The following TMEM131L variants were observed in gnomAD, a reference collection of about 807,000 sequenced individuals.
TMEM131L encodes transmembrane 131 like, also known as transmembrane protein 131-like.
TMEM131L carries 54 observed loss-of-function variants against 192.2 expected under a neutral mutation model. The observed-to-expected ratio is 0.28, with a 90% CI of 0.23 to 0.35. The LOEUF is 0.35. Among genes scored for constraint, TMEM131L ranks in the 10% least tolerant of loss-of-function variants. TMEM131L has a pLI of 1.00. For synonymous variants in TMEM131L, 701 were observed against 704.9 expected (o/e 0.99, Z 0.09); for missense variants, 1,888 against 1,972.9 (o/e 0.96, Z 0.82).
chr4:153,566,237 G>A lies in TMEM131L; in HGVS notation c.660+7869G>A, dbSNP rs191675718. On this transcript the variant is annotated intron_variant, in intron 7 of 34. Coordinates refer to ENST00000409959, the MANE Select transcript of TMEM131L (RefSeq NM_001131007.2). ...TGCAAGCTCCGCCTCCCAGGTTCACGCCATTCTCCTGCCTCAGCCTCCCGA... is the reference window on the plus strand; with the variant it reads ...TGCAAGCTCCGCCTCCCAGGTTCACACCATTCTCCTGCCTCAGCCTCCCGA... 2.7e-3 allele frequency among the ~76,000 whole-genome samples: 408 copies of A among 151,808 alleles called. 1 individual carries two copies. Among genetic ancestry groups the A allele is most frequent in the African/African-American group, 9.2e-3 (379 of 41,382 alleles).
At chr4:153,487,523 G>A (rs1732423471) in intron 3 of TMEM131L, among the ~76,000 whole-genome samples, 2 of 152,168 alleles carry the variant, frequency 1.3e-5, no homozygotes, top group Non-Finnish European at 2.9e-5. Flanking sequence ...GAGGACTGAG[G>A]AACCTTCTGA....
chr4:153,515,075 G>T (rs1734640384), intron 3 of TMEM131L, among the ~76,000 whole-genome samples: 1 of 152,236 alleles, frequency 6.6e-6, no homozygotes, highest in Non-Finnish European at 1.5e-5. Context: ...GCCTCCCGAA[G>T]TGCTGGGATT....
intron 3 of TMEM131L, among the ~76,000 whole-genome samples, chr4:153,495,053 C>T (rs1329569892): frequency 6.6e-6 from 1 of 152,138 alleles, no homozygotes; most frequent in Non-Finnish European, 1.5e-5. Context: ...TGGTGGCTCA[C>T]GCCTGTAATC....
rs770649886 is a variant in TMEM131L at position 153,626,131 on chromosome 4, GTTTCT to G, written c.4046-12_4046-8del. ...TACTTTTTGAAACTTGTGATAATGT[GTTTCT>G]TTTAATGCAGGAGACAGTGTTTCAC... is the stretch of plus-strand genomic sequence containing the variant. On this transcript the variant is annotated splice_polypyrimidine_tract_variant and intron_variant, in intron 29 of 34. Transcript: ENST00000409959. The G allele has an allele frequency of 6.4e-7, 1 of 1,568,888 alleles. No homozygotes were observed. The highest frequency in any genetic ancestry group is 8.8e-7 in the Non-Finnish European group (1 of 1,140,724).
chr4:153,508,890 C>T (rs34250475), intron 3 of TMEM131L, among the ~76,000 whole-genome samples: 49,892 of 151,630 alleles, frequency 0.33, 10,078 homozygotes, highest in Non-Finnish European at 0.43. Context: ...GTGATCTTCC[C>T]GCCTTGGCCT....
At chr4:153,574,207 A>C (rs1353989422) in intron 7 of TMEM131L, among the ~76,000 whole-genome samples, 2 of 152,236 alleles carry the variant, frequency 1.3e-5, no homozygotes, top group Non-Finnish European at 2.9e-5. Flanking sequence ...TCCTCAAAGC[A>C]AACTAATTTC....
rs371707607 is a variant in TMEM131L, at chr4:153,603,913, G to A, written c.2901G>A (p.Arg967=). The change falls in exon 25 of 35, where the codon AGG becomes AGA. Residue 967 remains arginine, a synonymous_variant. Coordinates refer to ENST00000409959, the MANE Select transcript of TMEM131L (RefSeq NM_001131007.2). ...PQSRIQNAAK[R]SPATYGHSQK... ...GCAGGATCCAGAATGCTGCAAAGAG[G>A]AGCCCAGCCACCTATGGTCATTCTC... 27 of 1,613,966 alleles carry A rather than the reference G, an allele frequency of 1.7e-5. No homozygotes were observed. In the South Asian group the frequency reaches 2.2e-4, roughly 13 times the overall value.
intron 3 of TMEM131L, among the ~76,000 whole-genome samples, chr4:153,533,687 G>A (rs546580961): frequency 2.0e-4 from 30 of 152,302 alleles, no homozygotes; most frequent in Non-Finnish European, 3.8e-4. Flanking sequence ...GTTTGAGCAT[G>A]ATCCACCTGA....
In TMEM131L at chr4:153,466,442, C is replaced by G. The variant is rs1316744425; in HGVS notation, c.45C>G (p.Thr15=). Residue 15 remains threonine, a synonymous_variant, in exon 1 of 35, where the codon ACC becomes ACG. Coordinates refer to ENST00000409959, the MANE Select transcript of TMEM131L (RefSeq NM_001131007.2). Reference sequence around the variant, plus strand: ...CGCAGCCCGGCTGCTACTGCCGCACCGCGGCGGCCGTGAACCTCCTGCTGG... The same window carrying G: ...CGCAGCCCGGCTGCTACTGCCGCACGGCGGCGGCCGTGAACCTCCTGCTGG... ...RRPQPGCYCR[T]AAAVNLLLGV... is the part of the protein sequence containing the mutation. 7.1e-7 allele frequency: 1 copy of G among 1,413,324 alleles called. No individual in the cohort carries two copies. The highest frequency in any genetic ancestry group is 9.3e-7 in the Non-Finnish European group (1 of 1,076,626). 87.5% of individuals were successfully genotyped at this position (1,413,324 alleles called of 1,614,324 possible).
At chr4:153,524,445 A>G (rs1055846075) in intron 3 of TMEM131L, among the ~76,000 whole-genome samples, 3 of 152,146 alleles carry the variant, frequency 2.0e-5, no homozygotes, top group African/African-American at 7.3e-5. Context: ...GGACACAGAT[A>G]TATGTTTTAA....
chr4:153,544,591 G>A lies in TMEM131L; in HGVS notation c.240-5482G>A, dbSNP rs537134722. 2.6e-5 allele frequency among the ~76,000 whole-genome samples: 4 copies of A among 152,318 alleles called. No individual in the cohort carries two copies. In the South Asian group the frequency reaches 8.3e-4, roughly 32 times the overall value. On this transcript the variant is annotated intron_variant, in intron 3 of 34. Coordinates refer to ENST00000409959, the MANE Select transcript of TMEM131L (RefSeq NM_001131007.2). ...AGGCCAGCTTGTGAGTGCACTTTCT[G>A]TGCTCAGTTCTCCAAGGTGGTCCAT...
chr4:153,627,341 A>G (rs548433642), intron 30 of TMEM131L, among the ~76,000 whole-genome samples: 1 of 152,294 alleles, frequency 6.6e-6, no homozygotes, highest in East Asian at 1.9e-4. Flanking sequence ...TAGATTTAAA[A>G]CCACAGGTTA....
At chr4:153,580,090 T>G (rs537121426) in intron 7 of TMEM131L, among the ~76,000 whole-genome samples, 2 of 152,244 alleles carry the variant, frequency 1.3e-5, no homozygotes, top group South Asian at 4.2e-4. Context: ...CCATGTCTTT[T>G]AGATTCACAT....
At chr4:153,485,673 G>C (rs912205300) in intron 3 of TMEM131L, among the ~76,000 whole-genome samples, 5 of 152,170 alleles carry the variant, frequency 3.3e-5, no homozygotes, top group Non-Finnish European at 7.3e-5. Context: ...TCCAAACAGT[G>C]TTCGATTGGT....
intron 33 of TMEM131L, 74 bp from the exon 34 acceptor site, chr4:153,635,358 T>G: frequency 6.8e-7 from 1 of 1,476,622 alleles, no homozygotes; most frequent in Non-Finnish European, 9.4e-7. Flanking sequence ...CTTGAAAGCT[T>G]TTTTGCCTGA....
At position 153,591,041 on chromosome 4, in the gene TMEM131L, T is replaced by A. The variant is rs1269391099; in HGVS notation, c.1671-12T>A. 29 of 1,481,738 alleles carry A rather than the reference T, an allele frequency of 2.0e-5. No individual in the cohort carries two copies. The highest frequency in any genetic ancestry group is 2.5e-5 in the Non-Finnish European group (28 of 1,111,026). 91.8% of individuals were successfully genotyped at this position (1,481,738 alleles called of 1,614,324 possible). A position where few individuals can be genotyped will look rare whatever the true frequency, so the allele number is the denominator to read the frequency against. ...AATATTTTTCATAATAGTTTCTTTA[T>A]CAATTAAACAGGAGGAATGTTTTGG... On this transcript the variant is annotated splice_polypyrimidine_tract_variant and intron_variant, in intron 16 of 34. Coordinates refer to ENST00000409959, the MANE Select transcript of TMEM131L (RefSeq NM_001131007.2).
intron 3 of TMEM131L, among the ~76,000 whole-genome samples, chr4:153,495,228 A>G (rs1733085241): frequency 6.6e-6 from 1 of 151,952 alleles, no homozygotes; most frequent in South Asian, 2.1e-4. Context: ...GAGGTAGGAG[A>G]ATTGCTTGAA....
intron 3 of TMEM131L, among the ~76,000 whole-genome samples, chr4:153,509,751 A>G (rs558556376): frequency 1.3e-5 from 2 of 152,224 alleles, no homozygotes; most frequent in African/African-American, 4.8e-5. Context: ...TAATACTTTC[A>G]TATTAATTCC....
rs565885363 is a variant in TMEM131L at position 153,488,283 on chromosome 4, A to C, written c.239+14395A>C. 2.6e-5 allele frequency among the ~76,000 whole-genome samples: 4 copies of C among 152,278 alleles called. No homozygotes were observed. The South Asian group carries it at 6.2e-4, about 24-fold the overall frequency. Reference sequence around the variant, plus strand: ...GAGGAAGGATATTACTTAAGGCAAAACTGAAAGAAGTGTTCTAAAAATTCT... The same window carrying C: ...GAGGAAGGATATTACTTAAGGCAAACCTGAAAGAAGTGTTCTAAAAATTCT... On this transcript the variant is annotated intron_variant, in intron 3 of 34. Transcript: ENST00000409959.
Sources: allele counts gnomAD v4.1 joint callset (sites outside exome capture counted in the v4.1 genomes callset), GRCh38; gene constraint gnomAD v4.1.1; transcripts MANE v1.5; gene names NCBI Gene and HGNC (gene_info 2026-07-23, HGNC 2026-07-21).